ATP13A4: variants seen among roughly 807,000 people sequenced by gnomAD.
The protein encoded by ATP13A4 is ATPase 13A4, also known as probable cation-transporting ATPase 13A4.
A neutral mutation model predicts 142.5 loss-of-function variants in ATP13A4; 114 were observed. The observed-to-expected ratio is 0.80, with a 90% CI of 0.69 to 0.93. The LOEUF (loss-of-function observed/expected upper bound fraction) is 0.93, where lower values mean the gene tolerates loss of function less well. Among genes scored for constraint, ATP13A4 ranks in the 40% least tolerant of loss-of-function variants. The pLI, the probability that ATP13A4 is intolerant of heterozygous loss-of-function variation, is 0.00. For synonymous variants in ATP13A4, 488 were observed against 514.8 expected (o/e 0.95, Z 0.70); for missense variants, 1,392 against 1,454.0 (o/e 0.96, Z 0.69).
chr3:193,470,105 G>A (rs1576996568), intron 9 of ATP13A4, among the ~76,000 whole-genome samples: 1 of 152,304 alleles, frequency 6.6e-6, no homozygotes, highest in East Asian at 1.9e-4. Context: ...ACCAATAAGA[G>A]TGCGTTCACA....
At chr3:193,500,238 C>T (rs1720465233) in intron 3 of ATP13A4, among the ~76,000 whole-genome samples, 1 of 152,106 alleles carries the variant, frequency 6.6e-6, no homozygotes, top group Non-Finnish European at 1.5e-5. Flanking sequence ...GGAAGATTTC[C>T]TCTCCCCGGG....
chr3:193,589,403 G>C (rs901149580), intron 1 of ATP13A4, among the ~76,000 whole-genome samples: 2 of 152,010 alleles, frequency 1.3e-5, no homozygotes, highest in Admixed American at 6.5e-5. Context: ...AAGGAACTTG[G>C]AGATCTCCCA....
chr3:193,470,067 A>T (rs537417440), intron 9 of ATP13A4, among the ~76,000 whole-genome samples: 2 of 152,308 alleles, frequency 1.3e-5, no homozygotes, highest in African/African-American at 4.8e-5. Context: ...AATGGATTTG[A>T]TCTGAACTTG....
At chr3:193,508,498 T>C (rs1451630223) in intron 2 of ATP13A4, among the ~76,000 whole-genome samples, 1 of 152,198 alleles carries the variant, frequency 6.6e-6, no homozygotes, top group Non-Finnish European at 1.5e-5. Flanking sequence ...TCTGTAAAAC[T>C]GGAGAAAAAA....
At chr3:193,448,014 G>T (rs1349355866) in intron 18 of ATP13A4, among the ~76,000 whole-genome samples, 192 bp downstream of exon 18, 1 of 152,160 alleles carries the variant, frequency 6.6e-6, no homozygotes, top group Non-Finnish European at 1.5e-5. Flanking sequence ...TGACTGATTG[G>T]TTGATCTTCT....
upstream of ATP13A4, among the ~76,000 whole-genome samples, chr3:193,559,344 A>T (rs567821217): frequency 7.2e-5 from 11 of 152,298 alleles, no homozygotes; most frequent in South Asian, 2.3e-3. Flanking sequence ...CCTTGTCATC[A>T]CTGGCAATAA....
At chr3:193,487,695 G>A (rs1719709376) in intron 7 of ATP13A4, among the ~76,000 whole-genome samples, 1 of 152,102 alleles carries the variant, frequency 6.6e-6, no homozygotes, top group African/African-American at 2.4e-5. Context: ...TTCAATTGCA[G>A]AAATTTTCTA....
intron 1 of ATP13A4, among the ~76,000 whole-genome samples, chr3:193,534,166 G>A (rs944422804): frequency 1.3e-5 from 2 of 152,176 alleles, no homozygotes; most frequent in African/African-American, 4.8e-5. Context: ...ATCAATGGAG[G>A]TTGAGTGGGC....
At chr3:193,544,263 T>C (rs1032655293) in intron 1 of ATP13A4, among the ~76,000 whole-genome samples, 1 of 152,194 alleles carries the variant, frequency 6.6e-6, no homozygotes, top group Admixed American at 6.5e-5. Flanking sequence ...CAAAAACTTT[T>C]ACCATTCACT....
In ATP13A4 at chr3:193,406,999, T is replaced by G. The variant is rs549040449; in HGVS notation, c.3378+314A>C. ...ATTGTGGACTTTAAAAGGGTGAATG[T>G]TATGGTGCGTGAATCATATCTCAAT... On this transcript the variant is annotated intron_variant, in intron 29 of 29. Transcript: ENST00000342695. Among the ~76,000 whole-genome samples, 30 of 152,306 alleles carry G rather than the reference T, an allele frequency of 2.0e-4. No homozygotes were observed. In the East Asian group the frequency reaches 3.3e-3, roughly 17 times the overall value.
chr3:193,582,576 ATATATTACATATATTATATATG>A (rs1724574146), intron 1 of ATP13A4, among the ~76,000 whole-genome samples: 1 of 132,498 alleles, frequency 7.5e-6, no homozygotes, highest in Non-Finnish European at 1.5e-5. Flanking sequence ...TACATATAAT[ATATATTACATATATTATATATG>A]TATATTACAT....
chr3:193,506,737 A>G (rs183183789), intron 2 of ATP13A4, among the ~76,000 whole-genome samples: 1 of 152,242 alleles, frequency 6.6e-6, no homozygotes, highest in African/African-American at 2.4e-5. Flanking sequence ...GTAAGTTATC[A>G]CGAGCTCTGA....
At chr3:193,581,376 C>G (rs1724541532) in intron 2 of ATP13A4, among the ~76,000 whole-genome samples, 1 of 152,108 alleles carries the variant, frequency 6.6e-6, no homozygotes. Flanking sequence ...GTGCTGATTT[C>G]TATGGTGGAA....
chr3:193,439,558 AT>A, intron 21 of ATP13A4, among the ~76,000 whole-genome samples: 1 of 152,334 alleles, frequency 6.6e-6, no homozygotes, highest in East Asian at 1.9e-4. Flanking sequence ...TGTGCTGTTA[AT>A]ACTAGCATGA....
At chr3:193,445,568 C>A (rs1325905981) in intron 18 of ATP13A4, among the ~76,000 whole-genome samples, 3 of 151,992 alleles carry the variant, frequency 2.0e-5, no homozygotes, top group Non-Finnish European at 4.4e-5. Flanking sequence ...ACCATCCTGG[C>A]CAACATGGTG....
intron 1 of ATP13A4, among the ~76,000 whole-genome samples, chr3:193,549,207 C>T (rs1418583936): frequency 1.3e-5 from 2 of 152,018 alleles, no homozygotes; most frequent in African/African-American, 4.8e-5. Context: ...AAATGCATGT[C>T]CCCTTTGAGG....
chr3:193,534,115 C>A (rs1159483179), intron 1 of ATP13A4, among the ~76,000 whole-genome samples: 2 of 152,120 alleles, frequency 1.3e-5, no homozygotes, highest in African/African-American at 4.8e-5. Flanking sequence ...GAACTCCTAC[C>A]TTTATCCACC....
intron 1 of ATP13A4, among the ~76,000 whole-genome samples, chr3:193,516,053 C>G (rs1721396931): frequency 6.6e-6 from 1 of 152,204 alleles, no homozygotes; most frequent in Non-Finnish European, 1.5e-5. Flanking sequence ...TACTTGATCA[C>G]ATGTCTCTGA....
intron 1 of ATP13A4, among the ~76,000 whole-genome samples, chr3:193,535,442 A>G (rs774007385): frequency 7.2e-5 from 11 of 152,176 alleles, no homozygotes; most frequent in Non-Finnish European, 1.5e-4. Flanking sequence ...CATGGGTGAC[A>G]GGGGAAGTCT....
Sources: allele counts gnomAD v4.1 joint callset (sites outside exome capture counted in the v4.1 genomes callset), GRCh38; gene constraint gnomAD v4.1.1; transcripts MANE v1.5; gene names NCBI Gene and HGNC (gene_info 2026-07-23, HGNC 2026-07-21).